AMPD2: variants seen among roughly 807,000 people sequenced by gnomAD.
AMPD2 encodes the protein adenosine monophosphate deaminase 2.
A neutral mutation model predicts 91.3 loss-of-function variants in AMPD2; 52 were observed. The observed-to-expected ratio is 0.57, with a 90% CI of 0.46 to 0.72. The LOEUF is 0.72. Among genes scored for constraint, AMPD2 ranks in the 30% least tolerant of loss-of-function variants. The pLI is 0.00. For synonymous variants in AMPD2, 455 were observed against 456.4 expected, an observed-to-expected ratio of 1.00 and a Z score of 0.04; for missense variants, 822 against 1,122.3, an observed-to-expected ratio of 0.73 and a Z score of 3.82.
In AMPD2 at chr1:109,630,255, A is replaced by G; in HGVS notation, c.2006A>G (p.Tyr669Cys). 6.2e-7 allele frequency: 1 copy of G among 1,613,300 alleles called. No homozygotes were observed. Among genetic ancestry groups the G allele is most frequent in the Non-Finnish European group, 8.5e-7 (1 of 1,179,978 alleles). The change falls in exon 17 of 19, where the codon TAC (tyrosine) becomes TGC (cysteine). Residue 669 changes from tyrosine to cysteine, a missense_variant. By Grantham distance (194) the Tyr-to-Cys change is radical (BLOSUM62 -2). Around this residue, in one of 5 missense-constraint regions of AMPD2, gnomAD observed 430 missense variants for 606.0 expected, o/e 0.71. Transcript: ENST00000528667. ...LRKAPVLQYL[Y>C]YLAQIGIAMS... is the part of the protein sequence containing the mutation. ...CAGGCCCCCGTCCTGCAGTACCTGT[A>G]CTACCTGGCCCAGATCGGCATCGCC...
Position 109,625,336 on chromosome 1 carries a change from A to C in AMPD2, c.125A>C (p.Gln42Pro). The C allele has an allele frequency of 6.2e-7, 1 of 1,613,338 alleles. No homozygotes were observed. Residue 42 changes from glutamine to proline, a missense_variant, in exon 3 of 19, where the codon CAG becomes CCG. Around this residue, in one of 5 missense-constraint regions of AMPD2, gnomAD observed 105 missense variants for 125.0 expected, o/e 0.84. Transcript: ENST00000528667. This position sits in a 1 kb window ranked among gnomAD's most constrained non-coding sequence, Gnocchi z 4.0. ...ARGGLGAPPL[Q>P]SARSLPGPAP... ...GGTGGTCTGGGGGCCCCTCCGCTGC[A>C]GTCTGCCCGATCCCTGCCGGGCCCC...
chr1:109,625,325 C>T lies in AMPD2; in HGVS notation c.114C>T (p.Ala38=), dbSNP rs1570582728. 1.2e-6 allele frequency: 2 copies of T among 1,613,196 alleles called. No homozygotes were observed. Among genetic ancestry groups the T allele is most frequent in the Non-Finnish European group, 1.7e-6 (2 of 1,179,838 alleles). The change falls in exon 3 of 19, where the codon GCC becomes GCT. Residue 38 remains alanine (A), a synonymous_variant. Transcript: ENST00000528667. The surrounding 1 kb of genome is among the most constrained non-coding windows in gnomAD (Gnocchi z 4.0). ...CAGAGGCTCGGGGTGGTCTGGGGGC[C>T]CCTCCGCTGCAGTCTGCCCGATCCC... ...AAPEARGGLG[A]PPLQSARSLP...
Position 109,626,380 on chromosome 1 carries a change from G to C in AMPD2, c.484G>C (p.Glu162Gln). Residue 162 changes from glutamate to glutamine, a missense_variant, in exon 6 of 19, where the codon GAA becomes CAA. Around this residue, in one of 5 missense-constraint regions of AMPD2, gnomAD observed 240 missense variants for 270.3 expected, o/e 0.89. Transcript: ENST00000528667. The stretch of plus-strand genomic sequence containing the variant: ...GAGCCTGCGGGAGCGTGATGTGCTG[G>C]AACGGGAGTTTCAGCGGGTCACCAT... Reference protein sequence around the residue: ...DRSLRERDVLEREFQRVTISG... With the variant: ...DRSLRERDVLQREFQRVTISG... 6.2e-7 allele frequency: 1 copy of C among 1,612,256 alleles called. No individual in the cohort carries two copies. Among genetic ancestry groups the C allele is most frequent in the Non-Finnish European group, 8.5e-7 (1 of 1,179,344 alleles).
In AMPD2 at chr1:109,631,300, C is replaced by G; in HGVS notation, c.*148C>G. 1 of 834,122 alleles carries G rather than the reference C, an allele frequency of 1.2e-6. No individual in the cohort carries two copies. Among genetic ancestry groups the G allele is most frequent in the Non-Finnish European group, 1.9e-6 (1 of 523,570 alleles). The allele number at this position is 834,122 out of a possible 1,614,324, so 51.7% of individuals were successfully genotyped here. A position where few individuals can be genotyped will look rare whatever the true frequency, so the allele number is the denominator to read the frequency against. ...CTACCATGTCACTGTCCCTGGGCCACCCAGTGAAAGCAAAGCCTGGGAATC... is the reference window on the plus strand; with the variant it reads ...CTACCATGTCACTGTCCCTGGGCCAGCCAGTGAAAGCAAAGCCTGGGAATC... On this transcript the variant is annotated 3_prime_UTR_variant, in exon 19 of 19. Transcript: ENST00000528667.
Position 109,625,330 on chromosome 1 carries a change from C to A in AMPD2, c.119C>A (p.Pro40Gln). ...PEARGGLGAP[P>Q]LQSARSLPGP... Reference sequence around the variant, plus strand: ...GCTCGGGGTGGTCTGGGGGCCCCTCCGCTGCAGTCTGCCCGATCCCTGCCG... The same window carrying A: ...GCTCGGGGTGGTCTGGGGGCCCCTCAGCTGCAGTCTGCCCGATCCCTGCCG... The change falls in exon 3 of 19, where the codon CCG becomes CAG. Residue 40 changes from proline to glutamine, a missense_variant. By Grantham distance (76) the Pro-to-Gln change is moderately conservative. Transcript: ENST00000528667. This position sits in a 1 kb window ranked among gnomAD's most constrained non-coding sequence, Gnocchi z 4.0. 1 of 1,613,276 alleles carries A rather than the reference C, an allele frequency of 6.2e-7. No individual in the cohort carries two copies. Among genetic ancestry groups the A allele is most frequent in the Non-Finnish European group, 8.5e-7 (1 of 1,179,866 alleles).
intron 2 of AMPD2, 155 bp downstream of exon 2, chr1:109,621,421 A>T: frequency 3.4e-4 from 50 of 147,270 alleles, no homozygotes; most frequent in East Asian, 9.4e-4. Context: ...CCGGCTTGGA[A>T]GGTGGGGTGA....
At position 109,625,907 on chromosome 1, in the gene AMPD2, T is replaced by C; in HGVS notation, c.353+115T>C. 1 of 1,479,970 alleles carries C rather than the reference T, an allele frequency of 6.8e-7. No individual in the cohort carries two copies. Among genetic ancestry groups the C allele is most frequent in the Non-Finnish European group, 9.1e-7 (1 of 1,097,908 alleles). 91.7% of individuals were successfully genotyped at this position (1,479,970 alleles called of 1,614,324 possible). ...CCTTGGGGGGTCTGCACAGGGAGCATAGAGTGGGCTTTGGAGTCGGGCTGC... is the reference window on the plus strand; with the variant it reads ...CCTTGGGGGGTCTGCACAGGGAGCACAGAGTGGGCTTTGGAGTCGGGCTGC... On this transcript the variant is annotated intron_variant, in intron 4 of 18. Coordinates refer to ENST00000528667, the MANE Select transcript of AMPD2 (RefSeq NM_001368809.2). The surrounding 1 kb of genome is among the most constrained non-coding windows in gnomAD (Gnocchi z 4.0).
chr1:109,620,884 T>G (rs1171760465), intron 1 of AMPD2, 30 bp from the exon 2 acceptor site: 28 of 1,442,526 alleles, frequency 1.9e-5, no homozygotes, highest in Non-Finnish European at 2.6e-5. Context: ...CATCTTCTTT[T>G]CTACCCACCC....
rs772038621 is a variant in AMPD2 at position 109,625,447 on chromosome 1, C to T, written c.222+14C>T. The T allele has an allele frequency of 1.9e-6, 3 of 1,613,868 alleles. No homozygotes were observed. Among genetic ancestry groups the T allele is most frequent in the East Asian group, 2.2e-5 (1 of 44,878 alleles). On this transcript the variant is annotated intron_variant, in intron 3 of 18. Transcript: ENST00000528667. The surrounding 1 kb of genome is among the most constrained non-coding windows in gnomAD (Gnocchi z 4.0). Reference sequence around the variant, plus strand: ...GAGATCGCCGAGGTATCACCTGGCACCACCCGCACCCTCACCCCGTGTCTC... The same window carrying T: ...GAGATCGCCGAGGTATCACCTGGCATCACCCGCACCCTCACCCCGTGTCTC...
At position 109,630,421 on chromosome 1, in the gene AMPD2, G is replaced by A. The variant is rs747698854; in HGVS notation, c.2157+15G>A. The A allele has an allele frequency of 1.2e-6, 2 of 1,601,418 alleles. No homozygotes were observed. Among genetic ancestry groups the A allele is most frequent in the African/African-American group, 2.7e-5 (2 of 74,246 alleles). ...ACTTCACCAAGGTCAGAGCCCAGCA[G>A]GCAGCCAGGCGGGCGGGCGTCCCAG... is the stretch of plus-strand genomic sequence containing the variant. On this transcript the variant is annotated intron_variant, in intron 17 of 18. Coordinates refer to ENST00000528667, the MANE Select transcript of AMPD2 (RefSeq NM_001368809.2).
At position 109,629,801 on chromosome 1, in the gene AMPD2, G is replaced by A; in HGVS notation, c.1868G>A (p.Arg623Lys). The A allele has an allele frequency of 1.9e-6, 3 of 1,595,422 alleles. No individual in the cohort carries two copies. Among genetic ancestry groups the A allele is most frequent in the Non-Finnish European group, 2.6e-6 (3 of 1,168,076 alleles). The change falls in exon 16 of 19, where the codon AGG becomes AAG. Residue 623 changes from arginine (R) to lysine (K), a missense_variant. By Grantham distance (26) the Arg-to-Lys change is conservative (BLOSUM62 2). Around this residue, in one of 5 missense-constraint regions of AMPD2, gnomAD observed 430 missense variants for 606.0 expected, o/e 0.71. Coordinates refer to ENST00000528667, the MANE Select transcript of AMPD2 (RefSeq NM_001368809.2). ...MAMLNHLRRQRGFHTFVLRPH... is the reference protein window; with the variant it reads ...MAMLNHLRRQKGFHTFVLRPH... ...ACTGTCTTCATGTCCCCCAGGCAGA[G>A]GGGCTTCCACACGTTTGTGCTGAGG...
At position 109,620,073 on chromosome 1, in the gene AMPD2, G is replaced by A. The variant is rs1452264182; in HGVS notation, c.-468G>A. 2.9e-6 allele frequency: 2 copies of A among 687,666 alleles called. No individual in the cohort carries two copies. Among genetic ancestry groups the A allele is most frequent in the Non-Finnish European group, 4.9e-6 (2 of 404,714 alleles). 42.6% of individuals were successfully genotyped at this position (687,666 alleles called of 1,614,324 possible). ...GCCTTGAGGCCAGTCCGGCTGCCGA[G>A]GTCTGCGGGAGTCCACCTCCGGCCA... On this transcript the variant is annotated 5_prime_UTR_variant, in exon 1 of 19. Coordinates refer to ENST00000528667, the MANE Select transcript of AMPD2 (RefSeq NM_001368809.2).
At position 109,624,561 on chromosome 1, in the gene AMPD2, A is replaced by G. The variant is rs982540979; in HGVS notation, c.92-742A>G. On this transcript the variant is annotated intron_variant, in intron 2 of 18. Transcript: ENST00000528667. The surrounding 1 kb of genome is among the most constrained non-coding windows in gnomAD (Gnocchi z 5.2). ...AGATCCTGGGGCCTGAGTGGCATAG[A>G]CTGTTTGTGGCAGCTCCTTTTGGAG... Among the ~76,000 whole-genome samples, 18 of 152,042 alleles carry G rather than the reference A, an allele frequency of 1.2e-4. No individual in the cohort carries two copies. Among genetic ancestry groups the G allele is most frequent in the Admixed American group, 9.8e-4 (15 of 15,278 alleles).
chr1:109,625,673 C>T lies in AMPD2; in HGVS notation c.234C>T (p.Thr78=), dbSNP rs544405879. 4 of 1,614,098 alleles carry T rather than the reference C, an allele frequency of 2.5e-6. No homozygotes were observed. The highest frequency in any genetic ancestry group is 1.3e-5 in the African/African-American group (1 of 75,038). ...TTCCCTCCCCCCAGGAGCTGTTCACCCGCTCACTGGCTGAGAGCGAGCTCC... is the reference window on the plus strand; with the variant it reads ...TTCCCTCCCCCCAGGAGCTGTTCACTCGCTCACTGGCTGAGAGCGAGCTCC... ...KCKEIAEELF[T]RSLAESELRS... The change falls in exon 4 of 19, where the codon ACC becomes ACT. Residue 78 remains threonine (T), a synonymous_variant. Transcript: ENST00000528667. This position sits in a 1 kb window ranked among gnomAD's most constrained non-coding sequence, Gnocchi z 4.0.
chr1:109,626,546 G>C, intron 6 of AMPD2, 119 bp downstream of exon 6: 1 of 1,301,968 alleles, frequency 7.7e-7, no homozygotes, highest in Non-Finnish European at 1.1e-6. Context: ...CAGCTGGAGG[G>C]GCGGAGGGGC....
intron 2 of AMPD2, chr1:109,622,353 G>A: frequency 2.2e-6 from 1 of 454,388 alleles, no homozygotes; most frequent in Non-Finnish European, 4.4e-6. Flanking sequence ...GTGGTCAGAT[G>A]GTAAGAGCAT....
rs201603567 is a variant in AMPD2, at chr1:109,626,749, T to G, written c.555T>G (p.Asp185Glu). 6 of 1,613,654 alleles carry G rather than the reference T, an allele frequency of 3.7e-6. No individual in the cohort carries two copies. Among genetic ancestry groups the G allele is most frequent in the Non-Finnish European group, 5.1e-6 (6 of 1,179,734 alleles). Residue 185 changes from aspartate to glutamate, a missense_variant, in exon 7 of 19, where the codon GAT becomes GAG. Transcript: ENST00000528667. ...AGGTGCCGTTCACAGACCTGCTGGA[T>G]GCAGCCAAGAGTGTGGTGCGGGCGC... The part of the protein sequence containing the change: ...KCGVPFTDLL[D>E]AAKSVVRALF...
intron 2 of AMPD2, among the ~76,000 whole-genome samples, chr1:109,621,593 C>T (rs1650282295): frequency 6.6e-6 from 1 of 152,156 alleles, no homozygotes; most frequent in Admixed American, 6.5e-5. Context: ...GTGAATGGAG[C>T]GGGGGTGTGT....
intron 1 of AMPD2, chr1:109,620,533 TGGCGAC>T: frequency 2.4e-6 from 3 of 1,254,410 alleles, no homozygotes; most frequent in Non-Finnish European, 2.0e-6. Context: ...GGTAGCTATT[TGGCGAC>T]GGTGGAATTT....
Sources: gnomAD v4.1 joint callset for allele counts (sites outside exome capture counted in the v4.1 genomes callset) on GRCh38, gnomAD v4.1.1 for gene constraint, gnomAD v4.1.1 regional missense constraint, Gnocchi (gnomAD v3.1) non-coding constraint, MANE v1.5 for transcripts, NCBI Gene and HGNC (gene_info 2026-07-23, HGNC 2026-07-21) for gene names.